Variants in WWP1 observed in about 807,000 individuals in gnomAD.
The protein encoded by WWP1 is NEDD4-like E3 ubiquitin-protein ligase WWP1.
WWP1 carries 49 observed loss-of-function variants against 130.6 expected under a neutral mutation model. The observed-to-expected ratio is 0.38, with a 90% CI of 0.30 to 0.48. WWP1 has a LOEUF of 0.48. WWP1 is among the 20% of genes least tolerant of loss of function. The pLI is 0.99. For missense variants in WWP1, 809 were observed against 1,100.6 expected, an observed-to-expected ratio of 0.74 and a Z score of 3.75; for synonymous variants, 332 against 367.8, an observed-to-expected ratio of 0.90 and a Z score of 1.11.
At chr8:86,373,254 G>A (rs747050311) in intron 2 of WWP1, among the ~76,000 whole-genome samples, 1 of 151,946 alleles carries the variant, frequency 6.6e-6, no homozygotes, top group Non-Finnish European at 1.5e-5. Context: ...TTATATTTCA[G>A]TGTATTTTTT....
intron 9 of WWP1, among the ~76,000 whole-genome samples, chr8:86,424,753 C>T (rs11782512): frequency 0.32 from 46,809 of 147,678 alleles, 8,898 homozygotes; most frequent in Middle Eastern, 0.46. Flanking sequence ...GAGATGGCAG[C>T]GGTACAGTCC....
Position 86,431,400 on chromosome 8 carries a change from T to G in WWP1, c.1388-6T>G. The G allele has an allele frequency of 6.3e-7, 1 of 1,582,162 alleles. No individual in the cohort carries two copies. Among genetic ancestry groups the G allele is most frequent in the Non-Finnish European group, 8.6e-7 (1 of 1,162,024 alleles). On this transcript the variant is annotated splice_polypyrimidine_tract_variant and splice_region_variant and intron_variant, in intron 12 of 24. Coordinates refer to ENST00000517970, the MANE Select transcript of WWP1 (RefSeq NM_007013.4). The stretch of plus-strand genomic sequence containing the variant: ...TATTAAATATTATACTCACTTTATA[T>G]TTCAGAAAAAAGAGTGGATTCAACA...
intron 1 of WWP1, among the ~76,000 whole-genome samples, chr8:86,347,609 T>C (rs1198512193): frequency 2.6e-5 from 4 of 152,234 alleles, no homozygotes; most frequent in Admixed American, 6.5e-5. Flanking sequence ...GTAGGTGATA[T>C]TTAAATTTGT....
At position 86,459,050 on chromosome 8, in the gene WWP1, G is replaced by A. The variant is rs181930898; in HGVS notation, c.2499+1025G>A. Among the ~76,000 whole-genome samples, 133 of 90,376 alleles carry A rather than the reference G, an allele frequency of 1.5e-3. 1 individual carries two copies. The highest frequency in any genetic ancestry group is 5.6e-3 in the African/African-American group (126 of 22,540). The allele number at this position is 90,376 out of a possible 152,430, so 59.3% of individuals were successfully genotyped here. On this transcript the variant is annotated intron_variant, in intron 22 of 24. Coordinates refer to ENST00000517970, the MANE Select transcript of WWP1 (RefSeq NM_007013.4). The stretch of plus-strand genomic sequence containing the variant: ...TTTTTTTTTTTTTTTTTTTTTTTGA[G>A]ACAGAGTCTCACTCTATTGCCTAGG...
intron 11 of WWP1, among the ~76,000 whole-genome samples, chr8:86,429,443 G>A (rs1809815781): frequency 6.6e-6 from 1 of 152,056 alleles, no homozygotes; most frequent in African/African-American, 2.4e-5. Flanking sequence ...TCATCAAGAT[G>A]CATATACTTT....
At chr8:86,409,753 G>C (rs889237626) in intron 8 of WWP1, among the ~76,000 whole-genome samples, 1 of 151,826 alleles carries the variant, frequency 6.6e-6, no homozygotes, top group Admixed American at 6.6e-5. Flanking sequence ...CCCGGCTACT[G>C]GGGGGCTGAG....
intron 1 of WWP1, among the ~76,000 whole-genome samples, chr8:86,355,529 T>A (rs1333803651): frequency 1.3e-5 from 2 of 152,220 alleles, no homozygotes; most frequent in South Asian, 4.1e-4. Context: ...CAATTACTTA[T>A]GGAAATGTTT....
intron 9 of WWP1, among the ~76,000 whole-genome samples, chr8:86,423,706 T>C (rs1486378422): frequency 6.6e-6 from 1 of 152,198 alleles, no homozygotes; most frequent in East Asian, 1.9e-4. Flanking sequence ...ACCGCCATCA[T>C]CATCATGGCC....
At chr8:86,363,902 C>CA (rs1823814407) in intron 1 of WWP1, among the ~76,000 whole-genome samples, 2 of 151,200 alleles carry the variant, frequency 1.3e-5, no homozygotes, top group Admixed American at 6.6e-5. Flanking sequence ...ACTAAAATGA[C>CA]AAAAGTAGTG....
At chr8:86,462,458 A>G (rs1055538789) in intron 24 of WWP1, among the ~76,000 whole-genome samples, 1 of 152,170 alleles carries the variant, frequency 6.6e-6, no homozygotes, top group African/African-American at 2.4e-5. Flanking sequence ...AGATGAAAAA[A>G]TTGGGGGATG....
intron 1 of WWP1, among the ~76,000 whole-genome samples, chr8:86,365,384 T>G (rs180944836): frequency 6.6e-6 from 1 of 152,334 alleles, no homozygotes; most frequent in Admixed American, 6.5e-5. Flanking sequence ...ATAGGCATTT[T>G]TAGGCTTCAA....
chr8:86,427,838 T>C (rs973199464), intron 11 of WWP1, 21 bp downstream of exon 11: 4 of 1,584,286 alleles, frequency 2.5e-6, no homozygotes, highest in Admixed American at 1.7e-5. Flanking sequence ...AATTGTAAGA[T>C]GTTAACATAA....
At chr8:86,450,469 CA>C (rs999114064) in intron 20 of WWP1, among the ~76,000 whole-genome samples, 36 of 152,218 alleles carry the variant, frequency 2.4e-4, no homozygotes, top group African/African-American at 7.5e-4. Context: ...CAAAGTCCAA[CA>C]AAAATAAGTA....
At chr8:86,407,876 A>T (rs1808364823) in intron 8 of WWP1, among the ~76,000 whole-genome samples, 1 of 152,116 alleles carries the variant, frequency 6.6e-6, no homozygotes, top group Non-Finnish European at 1.5e-5. Context: ...CAATTAATGA[A>T]CCATTAATAA....
intron 2 of WWP1, 62 bp from the exon 3 acceptor site, chr8:86,373,968 A>T: frequency 8.0e-7 from 1 of 1,257,382 alleles, no homozygotes; most frequent in Non-Finnish European, 1.1e-6. Context: ...AAGTAGTTTT[A>T]ATATCTTGAA....
intron 1 of WWP1, among the ~76,000 whole-genome samples, chr8:86,358,498 T>G (rs1431174797): frequency 6.7e-6 from 1 of 150,014 alleles, no homozygotes; most frequent in African/African-American, 2.5e-5. Flanking sequence ...TTTTTTCCTT[T>G]GGAGACAAGG....
chr8:86,345,781 G>A (rs1260560281), intron 1 of WWP1, among the ~76,000 whole-genome samples: 2 of 152,102 alleles, frequency 1.3e-5, no homozygotes, highest in African/African-American at 4.8e-5. Flanking sequence ...TTACTGTAGA[G>A]ATATGCTGTA....
Position 86,467,093 on chromosome 8 carries a change from C to A in WWP1, c.*200C>A. ...TTTATTGTTCCCTTGAAATGACTGACCAGGAAAAAGATCATCCTTAAATTT... is the reference window on the plus strand; with the variant it reads ...TTTATTGTTCCCTTGAAATGACTGAACAGGAAAAAGATCATCCTTAAATTT... On this transcript the variant is annotated 3_prime_UTR_variant, in exon 25 of 25. Transcript: ENST00000517970. 1 of 443,256 alleles carries A rather than the reference C, an allele frequency of 2.3e-6. No individual in the cohort carries two copies. The highest frequency in any genetic ancestry group is 3.4e-5 in the South Asian group (1 of 29,712). 27.5% of individuals were successfully genotyped at this position (443,256 alleles called of 1,614,324 possible).
At chr8:86,382,214 T>C (rs546932889) in intron 5 of WWP1, among the ~76,000 whole-genome samples, 1 of 152,330 alleles carries the variant, frequency 6.6e-6, no homozygotes, top group Admixed American at 6.5e-5. Flanking sequence ...AATTTAACAA[T>C]ATACCATAAA....
Sources: allele counts gnomAD v4.1 joint callset (sites outside exome capture counted in the v4.1 genomes callset), GRCh38; gene constraint gnomAD v4.1.1; transcripts MANE v1.5; gene names NCBI Gene and HGNC (gene_info 2026-07-23, HGNC 2026-07-21).